Variants in HLCS observed in about 807,000 individuals in gnomAD.
The protein encoded by HLCS is holocarboxylase synthetase.
Under a neutral mutation model 75.0 loss-of-function variants are expected in HLCS, and 53 were observed. The observed-to-expected ratio is 0.71, with a 90% confidence interval of 0.57 to 0.89. HLCS has a LOEUF of 0.89. Ranked by LOEUF, HLCS falls within the 40% of genes least tolerant of loss-of-function variation. HLCS has a pLI of 0.00. For synonymous variants in HLCS, 431 were observed against 428.6 expected, an observed-to-expected ratio of 1.01 and a Z score of -0.07; for missense variants, 966 against 1,074.0, an observed-to-expected ratio of 0.90 and a Z score of 1.41.
intron 4 of HLCS, among the ~76,000 whole-genome samples, chr21:36,931,595 C>A (rs1324705162): frequency 1.3e-5 from 2 of 151,398 alleles, no homozygotes; most frequent in Non-Finnish European, 2.9e-5. Flanking sequence ...ACAAAAAATA[C>A]AAAAATTAGC....
chr21:36,858,617 T>C (rs1008381446), intron 6 of HLCS, among the ~76,000 whole-genome samples: 9 of 152,154 alleles, frequency 5.9e-5, no homozygotes, highest in African/African-American at 2.2e-4. Context: ...GAGACAGATG[T>C]TAAATAACGC....
chr21:36,850,448 A>G (rs1430076628), intron 6 of HLCS, among the ~76,000 whole-genome samples: 2 of 152,156 alleles, frequency 1.3e-5, no homozygotes, highest in African/African-American at 4.8e-5. Context: ...GGAGTCTGAG[A>G]AAATCGGAGA....
intron 5 of HLCS, among the ~76,000 whole-genome samples, chr21:36,914,451 T>G (rs576491499): frequency 6.6e-6 from 1 of 152,318 alleles, no homozygotes; most frequent in East Asian, 1.9e-4. Flanking sequence ...AGGCACTCAA[T>G]AAATGTCTGT....
intron 6 of HLCS, among the ~76,000 whole-genome samples, chr21:36,809,771 C>T (rs1476348135): frequency 6.6e-6 from 1 of 152,212 alleles, no homozygotes; most frequent in Non-Finnish European, 1.5e-5. Flanking sequence ...CAAGGTCTTA[C>T]TCTGTCACCC....
intron 6 of HLCS, among the ~76,000 whole-genome samples, chr21:36,866,424 G>A (rs1365910576): frequency 6.6e-6 from 1 of 152,210 alleles, no homozygotes; most frequent in African/African-American, 2.4e-5. Context: ...TGTGAGGTTA[G>A]TGTACAATGT....
At chr21:36,891,278 C>T (rs937631489) in intron 6 of HLCS, among the ~76,000 whole-genome samples, 6 of 152,232 alleles carry the variant, frequency 3.9e-5, no homozygotes, top group East Asian at 1.9e-4. Flanking sequence ...GTCCTTGACA[C>T]GTGAGCCAAC....
chr21:36,979,258 G>C (rs1320200352), intron 1 of HLCS, among the ~76,000 whole-genome samples: 2 of 142,554 alleles, frequency 1.4e-5, no homozygotes, highest in Non-Finnish European at 3.0e-5. Flanking sequence ...GGGTGACAGA[G>C]CAAGACTCAG....
intron 6 of HLCS, among the ~76,000 whole-genome samples, chr21:36,890,397 A>G (rs1279653798): frequency 6.6e-6 from 1 of 152,230 alleles, no homozygotes; most frequent in African/African-American, 2.4e-5. Flanking sequence ...TGGGTGGCAC[A>G]GCCAAGTCAG....
Position 36,775,922 on chromosome 21 carries a change from A to G in HLCS, c.1893-8637T>C, listed in dbSNP as rs1001880403. Among the ~76,000 whole-genome samples the G allele has an allele frequency of 3.3e-5, 5 of 152,150 alleles. No homozygotes were observed. The East Asian group carries it at 9.6e-4, about 29-fold the overall frequency. Reference sequence around the variant, plus strand: ...AACTGGTCACCTGGAATTCACACCAATTTTTTGTGCTATGAGTGGCATTTT... The same window carrying G: ...AACTGGTCACCTGGAATTCACACCAGTTTTTTGTGCTATGAGTGGCATTTT... On this transcript the variant is annotated intron_variant, in intron 6 of 10. Transcript: ENST00000674895.
chr21:36,958,616 C>T (rs962612146), intron 2 of HLCS, among the ~76,000 whole-genome samples: 7 of 152,066 alleles, frequency 4.6e-5, no homozygotes, highest in Non-Finnish European at 8.8e-5. Flanking sequence ...CGGTGAAACC[C>T]GGTCTCTGCT....
chr21:36,914,456 G>C (rs1301787562), intron 5 of HLCS, among the ~76,000 whole-genome samples: 1 of 152,178 alleles, frequency 6.6e-6, no homozygotes, highest in Non-Finnish European at 1.5e-5. Context: ...CTCAATAAAT[G>C]TCTGTTAAGC....
intron 6 of HLCS, among the ~76,000 whole-genome samples, chr21:36,896,244 G>A (rs567770854): frequency 2.8e-4 from 43 of 152,312 alleles, no homozygotes; most frequent in African/African-American, 9.4e-4. Context: ...CAGCTACTTG[G>A]GAGGCTGAGG....
At chr21:36,946,636 A>G (rs2067410509) in intron 2 of HLCS, among the ~76,000 whole-genome samples, 1 of 152,216 alleles carries the variant, frequency 6.6e-6, no homozygotes, top group African/African-American at 2.4e-5. Context: ...TCATGAAAAA[A>G]AAAAACTTGA....
intron 6 of HLCS, among the ~76,000 whole-genome samples, chr21:36,823,873 T>C (rs1359243026): frequency 1.3e-5 from 2 of 152,182 alleles, no homozygotes; most frequent in Non-Finnish European, 2.9e-5. Context: ...GTTGTCCTCA[T>C]AGGTTCTCTG....
chr21:36,764,029 C>A (rs533943283), intron 8 of HLCS, among the ~76,000 whole-genome samples: 27 of 152,260 alleles, frequency 1.8e-4, no homozygotes, highest in African/African-American at 5.5e-4. Flanking sequence ...CCCAAATAAC[C>A]CTTTTCAACA....
chr21:36,983,461 T>C (rs1362279806), intron 1 of HLCS, among the ~76,000 whole-genome samples: 3 of 151,610 alleles, frequency 2.0e-5, no homozygotes, highest in African/African-American at 4.8e-5. Context: ...CCCGCCCACC[T>C]CGACCTCCCA....
Position 36,894,985 on chromosome 21 carries a change from T to C in HLCS, c.1892+1875A>G, listed in dbSNP as rs982104266. On this transcript the variant is annotated intron_variant, in intron 6 of 10. Transcript: ENST00000674895. ...GTGGTGAAGCCCAGCCCTCTGCGGA[T>C]GTGCGGGAGCCTCAGCCTGTCCGCA... 1.2e-4 allele frequency among the ~76,000 whole-genome samples: 18 copies of C among 152,260 alleles called. No homozygotes were observed. The East Asian group carries it at 2.9e-3, about 25-fold the overall frequency.
At chr21:36,754,571 C>T (rs2089486638) in intron 10 of HLCS, among the ~76,000 whole-genome samples, 154 bp from the exon 11 acceptor site, 1 of 152,186 alleles carries the variant, frequency 6.6e-6, no homozygotes, top group South Asian at 2.1e-4. Flanking sequence ...TGAGCTCTGA[C>T]TTTCTTCCAC....
chr21:36,840,737 C>A (rs992475292), intron 6 of HLCS, among the ~76,000 whole-genome samples: 5 of 152,046 alleles, frequency 3.3e-5, no homozygotes, highest in African/African-American at 9.7e-5. Flanking sequence ...CTCAGCCTCC[C>A]GAATAGCTGG....
Sources: allele counts gnomAD v4.1 joint callset (sites outside exome capture counted in the v4.1 genomes callset), GRCh38; gene constraint gnomAD v4.1.1; transcripts MANE v1.5; gene names NCBI Gene and HGNC (gene_info 2026-07-23, HGNC 2026-07-21).